CSDC2: variants seen among roughly 807,000 people sequenced by gnomAD.
CSDC2 encodes cold shock domain-containing protein C2.
In CSDC2, 8 loss-of-function variants were observed where a neutral mutation model predicts 15.8. The observed-to-expected ratio is 0.51, with a 90% CI of 0.30 to 0.92. CSDC2 has a LOEUF of 0.92. Among genes scored for constraint, CSDC2 ranks in the 40% least tolerant of loss-of-function variants. The pLI is 0.07. For missense variants in CSDC2, 195 were observed against 213.3 expected, an observed-to-expected ratio of 0.91 and a Z score of 0.53; for synonymous variants, 96 against 92.3, an observed-to-expected ratio of 1.04 and a Z score of -0.23.
rs2145603193 is a variant in CSDC2 at position 41,575,005 on chromosome 22, C to A, written c.*110C>A. The A allele has an allele frequency of 7.9e-7, 1 of 1,268,776 alleles. No individual in the cohort carries two copies. Among genetic ancestry groups the A allele is most frequent in the Non-Finnish European group, 1.1e-6 (1 of 924,474 alleles). 78.6% of individuals were successfully genotyped at this position (1,268,776 alleles called of 1,614,324 possible). On this transcript the variant is annotated 3_prime_UTR_variant, in exon 4 of 4. Transcript: ENST00000306149. Reference sequence around the variant, plus strand: ...CCTGGCTGATGAGTCCTTCGGTGGCCTCAGTGTGCACGTCTGTCTGTCCGT... The same window carrying A: ...CCTGGCTGATGAGTCCTTCGGTGGCATCAGTGTGCACGTCTGTCTGTCCGT...
At chr22:41,567,030 C>T (rs905180565) in intron 1 of CSDC2, among the ~76,000 whole-genome samples, 3 of 152,082 alleles carry the variant, frequency 2.0e-5, no homozygotes, top group Admixed American at 1.3e-4. Flanking sequence ...CCTGACTGCT[C>T]GTTCTGAAGG....
At chr22:41,570,300 C>G (rs539700077) in intron 1 of CSDC2, among the ~76,000 whole-genome samples, 1 of 152,240 alleles carries the variant, frequency 6.6e-6, no homozygotes, top group African/African-American at 2.4e-5. Context: ...AGGGAGGATA[C>G]TACTCCACCT....
rs1216840926 is a variant in CSDC2, at chr22:41,562,146, C to G, written c.-124+963C>G. Among the ~76,000 whole-genome samples the G allele has an allele frequency of 2.6e-5, 4 of 151,982 alleles. No individual in the cohort carries two copies. In the East Asian group the frequency reaches 7.7e-4, roughly 29 times the overall value. ...GGAAGTATGCCCAGTGGGGGGTGGG[C>G]AACCTCTCTGAGAGCCTGGCATCAT... On this transcript the variant is annotated intron_variant, in intron 1 of 3. Transcript: ENST00000306149.
At chr22:41,563,873 CATCCTGGCTA>C (rs2067099849) in intron 1 of CSDC2, among the ~76,000 whole-genome samples, 1 of 150,902 alleles carries the variant, frequency 6.6e-6, no homozygotes, top group African/African-American at 2.4e-5. Context: ...AGATCGAGAC[CATCCTGGCTA>C]ACACGGTGAA....
intron 1 of CSDC2, among the ~76,000 whole-genome samples, chr22:41,563,372 TCCCGATGTTCGGGAAGC>T (rs931201414): frequency 6.6e-6 from 1 of 152,096 alleles, no homozygotes; most frequent in African/African-American, 2.4e-5. Context: ...ATGCACAAGC[TCCCGATGTTCGGGAAGC>T]CCTTCCAGCG....
chr22:41,571,646 A>G (rs1408181015), intron 1 of CSDC2, among the ~76,000 whole-genome samples, 197 bp from the exon 2 acceptor site: 1 of 152,012 alleles, frequency 6.6e-6, no homozygotes, highest in Non-Finnish European at 1.5e-5. Flanking sequence ...ATTGAACTGC[A>G]AACTGGAAGG....
In CSDC2 at chr22:41,572,141, CGTGA is replaced by C; in HGVS notation, c.176+3_176+6del. On this transcript the variant is annotated splice_donor_variant and splice_donor_region_variant and intron_variant, in intron 2 of 3. Transcript: ENST00000306149. LOFTEE classifies it high-confidence loss of function. ...ACCAAGCGGACCAGGACCTATTCAGCGTGAGTACCTGCCCCTTGCCCAGGCCCCT... is the reference window on the plus strand; with the variant it reads ...ACCAAGCGGACCAGGACCTATTCAGCGTACCTGCCCCTTGCCCAGGCCCCT... 2 of 1,314,608 alleles carry C rather than the reference CGTGA, an allele frequency of 1.5e-6. No individual in the cohort carries two copies. The highest frequency in any genetic ancestry group is 2.0e-6 in the Non-Finnish European group (2 of 1,025,042). 81.4% of individuals were successfully genotyped at this position (1,314,608 alleles called of 1,614,324 possible). A position where few individuals can be genotyped will look rare whatever the true frequency, so the allele number is the denominator to read the frequency against.
chr22:41,573,386 G>A (rs1427001514), intron 2 of CSDC2, among the ~76,000 whole-genome samples: 2 of 151,848 alleles, frequency 1.3e-5, no homozygotes, highest in East Asian at 2.0e-4. Context: ...TTGTAGAGAT[G>A]GGAGTCTCCC....
chr22:41,564,604 C>T (rs887983972), intron 1 of CSDC2, among the ~76,000 whole-genome samples: 2 of 152,204 alleles, frequency 1.3e-5, no homozygotes, highest in Admixed American at 1.3e-4. Context: ...CCCCGCTGGA[C>T]TGGGGTGCTC....
intron 1 of CSDC2, among the ~76,000 whole-genome samples, chr22:41,569,715 G>A (rs972112473): frequency 1.3e-5 from 2 of 150,460 alleles, no homozygotes; most frequent in African/African-American, 4.9e-5. Context: ...CTTGTTGGCT[G>A]TTGTGAATGA....
chr22:41,569,330 G>C (rs908292155), intron 1 of CSDC2, among the ~76,000 whole-genome samples: 18 of 152,196 alleles, frequency 1.2e-4, no homozygotes, highest in Non-Finnish European at 2.9e-5. Context: ...CAGTTCAGTT[G>C]TTTTTAGTAC....
chr22:41,564,668 T>C (rs978016533), intron 1 of CSDC2, among the ~76,000 whole-genome samples: 5 of 152,210 alleles, frequency 3.3e-5, no homozygotes, highest in African/African-American at 1.2e-4. Context: ...CTCAGTTTGA[T>C]TTCATTTACA....
At chr22:41,567,079 C>T (rs986680268) in intron 1 of CSDC2, among the ~76,000 whole-genome samples, 9 of 152,158 alleles carry the variant, frequency 5.9e-5, no homozygotes, top group Non-Finnish European at 8.8e-5. Flanking sequence ...GAAGGACACA[C>T]GAAATCCCCC....
At chr22:41,572,380 C>T (rs1310226670) in intron 2 of CSDC2, among the ~76,000 whole-genome samples, 1 of 77,582 alleles carries the variant, frequency 1.3e-5, no homozygotes, top group African/African-American at 5.2e-5. Context: ...ACCCACCCAC[C>T]CACCCACCCA....
intron 1 of CSDC2, among the ~76,000 whole-genome samples, chr22:41,567,462 C>T (rs956002833): frequency 6.6e-6 from 1 of 152,246 alleles, no homozygotes; most frequent in African/African-American, 2.4e-5. Flanking sequence ...GGCATTCAGC[C>T]AATGAAAGCC....
chr22:41,574,852 A>C lies in CSDC2; in HGVS notation c.419A>C (p.His140Pro), dbSNP rs1263701076. The C allele has an allele frequency of 1.2e-6, 2 of 1,610,158 alleles. No individual in the cohort carries two copies. The highest frequency in any genetic ancestry group is 2.2e-5 in the South Asian group (2 of 90,492). The change falls in exon 4 of 4, where the codon CAC (histidine) becomes CCC (proline). Residue 140 changes from histidine to proline, a missense_variant. His to Pro is a moderately conservative substitution (Grantham distance 77). Coordinates refer to ENST00000306149, the MANE Select transcript of CSDC2 (RefSeq NM_014460.4). ...VEVVLTQLAP[H>P]TPHETWSGQV... ...GTGGTGCTCACTCAGCTGGCCCCCC[A>C]CACTCCCCACGAGACGTGGTCTGGC...
intron 3 of CSDC2, among the ~76,000 whole-genome samples, chr22:41,574,232 A>C (rs2067163123): frequency 6.6e-6 from 1 of 152,176 alleles, no homozygotes; most frequent in Admixed American, 6.5e-5. Flanking sequence ...AGGGACCCAG[A>C]AAGGGAGGTA....
At position 41,572,041 on chromosome 22, in the gene CSDC2, C is replaced by T; in HGVS notation, c.76C>T (p.Pro26Ser). 1.5e-6 allele frequency: 2 copies of T among 1,366,448 alleles called. No homozygotes were observed. The highest frequency in any genetic ancestry group is 1.9e-6 in the Non-Finnish European group (2 of 1,058,266). The allele number at this position is 1,366,448 out of a possible 1,614,324, so 84.6% of individuals were successfully genotyped here. Residue 26 changes from proline (P) to serine (S), a missense_variant, in exon 2 of 4, where the codon CCC becomes TCC. Coordinates refer to ENST00000306149, the MANE Select transcript of CSDC2 (RefSeq NM_014460.4). ...SPKSPVWPTF[P>S]FHREGSRVWE... ...CAAGTCCCCAGTCTGGCCCACCTTCCCCTTCCACAGGGAGGGCAGCAGGGT... is the reference window on the plus strand; with the variant it reads ...CAAGTCCCCAGTCTGGCCCACCTTCTCCTTCCACAGGGAGGGCAGCAGGGT...
rs374269719 is a variant in CSDC2, at chr22:41,564,345, C to T, written c.-124+3162C>T. On this transcript the variant is annotated intron_variant, in intron 1 of 3. Transcript: ENST00000306149. ...CGCGATCTCGGCTCACTGCAAGCTC[C>T]GTCTCCCGGGTTCACACCATCCTCC... Among the ~76,000 whole-genome samples the T allele has an allele frequency of 7.9e-5, 12 of 151,914 alleles. 1 individual carries two copies. The highest frequency in any genetic ancestry group is 3.9e-4 in the East Asian group (2 of 5,092).
Sources: allele counts gnomAD v4.1 joint callset (sites outside exome capture counted in the v4.1 genomes callset), GRCh38; gene constraint gnomAD v4.1.1; transcripts MANE v1.5; gene names NCBI Gene and HGNC (gene_info 2026-07-23, HGNC 2026-07-21).